Variants in TRAPPC13 observed in about 807,000 individuals in gnomAD.
TRAPPC13 encodes the protein REV7-interacting novel NHEJ regulator 1.
Under a neutral mutation model 54.0 loss-of-function variants are expected in TRAPPC13, and 39 were observed. That is an observed-to-expected ratio of 0.72 (90% CI 0.56 to 0.94). TRAPPC13 has a LOEUF of 0.94. TRAPPC13 is among the 40% of genes least tolerant of loss of function. The pLI, the probability that TRAPPC13 is intolerant of heterozygous loss-of-function variation, is 0.00. For synonymous variants in TRAPPC13, 148 were observed against 167.7 expected, an observed-to-expected ratio of 0.88 and a Z score of 0.91; for missense variants, 386 against 488.1, an observed-to-expected ratio of 0.79 and a Z score of 1.97.
intron 9 of TRAPPC13, among the ~76,000 whole-genome samples, chr5:65,659,222 A>C (rs1359961682): frequency 1.3e-5 from 2 of 152,190 alleles, no homozygotes; most frequent in East Asian, 3.8e-4. Flanking sequence ...GACTCAAACG[A>C]TCTCCCAAGT....
At chr5:65,640,377 C>A (rs1755919106) in intron 4 of TRAPPC13, among the ~76,000 whole-genome samples, 1 of 152,076 alleles carries the variant, frequency 6.6e-6, no homozygotes, top group Admixed American at 6.6e-5. Flanking sequence ...CCTCTACAAA[C>A]AAACAAAAAA....
chr5:65,625,879 G>C (rs1052651599), intron 1 of TRAPPC13: 1 of 152,194 alleles, frequency 6.6e-6, no homozygotes, highest in African/African-American at 2.4e-5. Flanking sequence ...CTGAGGAAAT[G>C]CTCAATAAAC....
chr5:65,653,787 A>G (rs1173033832), intron 7 of TRAPPC13, among the ~76,000 whole-genome samples: 1 of 152,196 alleles, frequency 6.6e-6, no homozygotes, highest in Non-Finnish European at 1.5e-5. Flanking sequence ...AGCATCATCA[A>G]GATTACTAGA....
At chr5:65,664,206 T>C (rs1298622814) in intron 11 of TRAPPC13, 31 bp from the exon 12 acceptor site, 1 of 1,602,964 alleles carries the variant, frequency 6.2e-7, no homozygotes, top group East Asian at 2.2e-5. Flanking sequence ...ATGAACAAGA[T>C]TTATTCCTAT....
chr5:65,659,221 G>T (rs941662802), intron 9 of TRAPPC13, among the ~76,000 whole-genome samples: 3 of 152,100 alleles, frequency 2.0e-5, no homozygotes, highest in African/African-American at 7.2e-5. Context: ...GGACTCAAAC[G>T]ATCTCCCAAG....
At chr5:65,648,907 A>C (rs16894165) in intron 5 of TRAPPC13, among the ~76,000 whole-genome samples, 28,868 of 152,158 alleles carry the variant, frequency 0.19, 3,375 homozygotes, top group South Asian at 0.31. Context: ...CACAATAGAC[A>C]GTATTTTTTG....
At chr5:65,630,493 T>C (rs1164708541) in intron 1 of TRAPPC13, 24 of 1,351,674 alleles carry the variant, frequency 1.8e-5, no homozygotes, top group South Asian at 2.1e-5. Flanking sequence ...GTTCTGCTTA[T>C]TGGCAGCCTT....
At chr5:65,625,454 T>G (rs1486459275) in intron 1 of TRAPPC13, 9 of 289,870 alleles carry the variant, frequency 3.1e-5, no homozygotes, top group Non-Finnish European at 5.8e-5. Context: ...TTTCTTCCTG[T>G]GGCACTGACG....
At chr5:65,659,566 C>T (rs1206015364) in intron 9 of TRAPPC13, among the ~76,000 whole-genome samples, 1 of 152,058 alleles carries the variant, frequency 6.6e-6, no homozygotes, top group African/African-American at 2.4e-5. Context: ...AATACTCTCT[C>T]AACATCAAAA....
Position 65,625,055 on chromosome 5 carries a change from G to A in TRAPPC13, c.-6G>A. 1 of 1,613,548 alleles carries A rather than the reference G, an allele frequency of 6.2e-7. No individual in the cohort carries two copies. The highest frequency in any genetic ancestry group is 1.1e-5 in the South Asian group (1 of 91,076). On this transcript the variant is annotated 5_prime_UTR_variant, in exon 1 of 13. Coordinates refer to ENST00000399438, the MANE Select transcript of TRAPPC13 (RefSeq NM_024941.4). ...CGTAGGCTGTGGGTCAAAAGTGCCG[G>A]TCAAAATGGAAGTGAATCCCCCTAA...
chr5:65,644,077 T>C (rs749277713), intron 4 of TRAPPC13, among the ~76,000 whole-genome samples: 28 of 152,218 alleles, frequency 1.8e-4, no homozygotes, highest in Non-Finnish European at 3.2e-4. Context: ...GCTACTCCTT[T>C]ATTGCTCAGC....
At chr5:65,642,442 A>G (rs939283436) in intron 4 of TRAPPC13, among the ~76,000 whole-genome samples, 1 of 152,150 alleles carries the variant, frequency 6.6e-6, no homozygotes, top group African/African-American at 2.4e-5. Context: ...AAAAAAATCC[A>G]AGACTTAAAA....
chr5:65,648,224 A>G (rs1751988492), intron 5 of TRAPPC13, among the ~76,000 whole-genome samples: 1 of 152,164 alleles, frequency 6.6e-6, no homozygotes, highest in African/African-American at 2.4e-5. Flanking sequence ...AGGAATACCT[A>G]TGGCATTTTA....
Position 65,625,031 on chromosome 5 carries a change from G to A in TRAPPC13, c.-30G>A. 1 of 1,606,476 alleles carries A rather than the reference G, an allele frequency of 6.2e-7. No individual in the cohort carries two copies. On this transcript the variant is annotated 5_prime_UTR_variant, in exon 1 of 13. Transcript: ENST00000399438. ...GGCAAGTTGAACCTGTCCAGCCCCC[G>A]TAGGCTGTGGGTCAAAAGTGCCGGT...
At chr5:65,646,786 C>A (rs1046439882) in intron 4 of TRAPPC13, among the ~76,000 whole-genome samples, 9 of 152,106 alleles carry the variant, frequency 5.9e-5, no homozygotes, top group African/African-American at 2.2e-4. Context: ...CAGTTAGGTT[C>A]ATTTGTTACT....
intron 9 of TRAPPC13, among the ~76,000 whole-genome samples, chr5:65,659,988 A>AAGAAG (rs1554130465): frequency 1.4e-5 from 2 of 139,208 alleles, no homozygotes; most frequent in African/African-American, 2.8e-5. Flanking sequence ...AAAAAAAAAA[A>AAGAAG]AAGAAGAAGA....
chr5:65,651,849 T>TG, intron 6 of TRAPPC13, among the ~76,000 whole-genome samples: 1 of 25,680 alleles, frequency 3.9e-5, no homozygotes, highest in South Asian at 1.4e-3. Flanking sequence ...TCAGTTTTTT[T>TG]TTTTTTTTTT....
At chr5:65,656,418 T>G (rs1756653817) in intron 8 of TRAPPC13, among the ~76,000 whole-genome samples, 1 of 152,062 alleles carries the variant, frequency 6.6e-6, no homozygotes, top group Admixed American at 6.6e-5. Flanking sequence ...TATATGTACT[T>G]TTTTTTAGAA....
chr5:65,627,764 A>G (rs1187080805), intron 1 of TRAPPC13, among the ~76,000 whole-genome samples: 1 of 152,244 alleles, frequency 6.6e-6, no homozygotes, highest in Non-Finnish European at 1.5e-5. Flanking sequence ...TAGTTCTTGA[A>G]AGTATATATG....
Sources: allele counts gnomAD v4.1 joint callset (sites outside exome capture counted in the v4.1 genomes callset), GRCh38; gene constraint gnomAD v4.1.1; transcripts MANE v1.5; gene names NCBI Gene and HGNC (gene_info 2026-07-23, HGNC 2026-07-21).